The following ZNF704 variants were observed in gnomAD, a reference collection of about 807,000 sequenced individuals.
ZNF704 encodes glucocorticoid induced gene 1.
ZNF704 carries 10 observed loss-of-function variants against 44.7 expected under a neutral mutation model. The observed-to-expected ratio is 0.22, with a 90% CI of 0.14 to 0.38. The LOEUF is 0.38. Ranked by LOEUF, ZNF704 falls within the 10% of genes least tolerant of loss-of-function variation. The probability of loss-of-function intolerance (pLI) is 1.00; values close to 1 mark genes in which losing one functional copy is unlikely to be tolerated. For synonymous variants in ZNF704, 211 were observed against 207.6 expected, an observed-to-expected ratio of 1.02 and a Z score of -0.14; for missense variants, 390 against 545.5, an observed-to-expected ratio of 0.71 and a Z score of 2.84.
intron 2 of ZNF704, among the ~76,000 whole-genome samples, chr8:80,705,884 G>C (rs924327346): frequency 2.0e-5 from 3 of 152,186 alleles, no homozygotes; most frequent in Non-Finnish European, 4.4e-5. Context: ...CTTGATTGTT[G>C]CAGGAAGCTG....
intron 2 of ZNF704, among the ~76,000 whole-genome samples, chr8:80,761,978 T>C (rs1807139456): frequency 6.6e-6 from 1 of 152,252 alleles, no homozygotes; most frequent in African/African-American, 2.4e-5. Context: ...TAAAGAAATT[T>C]TATCTTTAAC....
At chr8:80,652,047 C>A (rs1817929317) in intron 7 of ZNF704, among the ~76,000 whole-genome samples, 1 of 152,186 alleles carries the variant, frequency 6.6e-6, no homozygotes, top group African/African-American at 2.4e-5. Context: ...GGAAACTGAA[C>A]AACCTGCTCC....
At chr8:80,692,963 T>C (rs759662546) in intron 3 of ZNF704, 41 bp downstream of exon 3, 6 of 1,559,448 alleles carry the variant, frequency 3.8e-6, no homozygotes, top group Admixed American at 1.7e-5. Flanking sequence ...CTGCTCTTGG[T>C]GTCAAGGGGC....
chr8:80,664,753 C>T (rs1818162281), intron 6 of ZNF704, 62 bp downstream of exon 6: 4 of 1,598,264 alleles, frequency 2.5e-6, no homozygotes, highest in Non-Finnish European at 3.4e-6. Flanking sequence ...ACTCATAGGC[C>T]AGATGGCCCC....
intron 2 of ZNF704, among the ~76,000 whole-genome samples, chr8:80,712,403 ATAGAC>A (rs1321712174): frequency 6.6e-6 from 1 of 152,230 alleles, no homozygotes; most frequent in Non-Finnish European, 1.5e-5. Flanking sequence ...GCTCAATCTT[ATAGAC>A]TATTTTTTTT....
upstream of ZNF704, among the ~76,000 whole-genome samples, chr8:80,876,494 G>T (rs955274389): frequency 6.6e-6 from 1 of 152,302 alleles, no homozygotes; most frequent in Non-Finnish European, 1.5e-5. Context: ...GGGGCAAGGG[G>T]TGGGCAGACA....
chr8:80,797,433 C>G (rs1214568887), intron 2 of ZNF704, among the ~76,000 whole-genome samples: 2 of 152,178 alleles, frequency 1.3e-5, no homozygotes, highest in Non-Finnish European at 2.9e-5. Context: ...TCTTTGAAAT[C>G]TAGGTGAAAG....
At chr8:80,662,750 C>A (rs952048475) in intron 6 of ZNF704, among the ~76,000 whole-genome samples, 2 of 152,140 alleles carry the variant, frequency 1.3e-5, no homozygotes, top group African/African-American at 4.8e-5. Context: ...CATATTACAT[C>A]CTCGGACTCA....
chr8:80,674,983 C>A (rs557358665), intron 4 of ZNF704, among the ~76,000 whole-genome samples: 2 of 152,292 alleles, frequency 1.3e-5, no homozygotes, highest in African/African-American at 4.8e-5. Context: ...TTGCTGATGG[C>A]ATTCTTTCAT....
chr8:80,693,709 G>T (rs1585958835), intron 2 of ZNF704, among the ~76,000 whole-genome samples: 1 of 152,162 alleles, frequency 6.6e-6, no homozygotes, highest in Non-Finnish European at 1.5e-5. Context: ...GCAGGAATGT[G>T]CGGGAATGTT....
the ZNF704 span, among the ~76,000 whole-genome samples, chr8:80,880,108 G>T: frequency 3.0e-4 from 45 of 152,264 alleles, 1 homozygote; most frequent in African/African-American, 1.0e-3. Context: ...CAGAGTGTGT[G>T]TGAAACTTAT....
chr8:80,807,572 G>GA (rs1050939992), intron 2 of ZNF704, among the ~76,000 whole-genome samples: 1 of 151,838 alleles, frequency 6.6e-6, no homozygotes, highest in Non-Finnish European at 1.5e-5. Flanking sequence ...AATATTTACA[G>GA]AAAAAAAGTG....
At chr8:80,794,485 C>T (rs1215228903) in intron 2 of ZNF704, among the ~76,000 whole-genome samples, 1 of 152,092 alleles carries the variant, frequency 6.6e-6, no homozygotes, top group Non-Finnish European at 1.5e-5. Context: ...AAGACAACGA[C>T]CCAATATAAA....
chr8:80,829,469 T>C (rs1808432878), intron 1 of ZNF704, among the ~76,000 whole-genome samples: 1 of 152,208 alleles, frequency 6.6e-6, no homozygotes, highest in South Asian at 2.1e-4. Context: ...AATATTTAAG[T>C]CTTCACAGTA....
chr8:80,740,556 G>A (rs1273648455), intron 2 of ZNF704, among the ~76,000 whole-genome samples: 1 of 152,134 alleles, frequency 6.6e-6, no homozygotes, highest in Admixed American at 6.5e-5. Flanking sequence ...ACAGACAGTG[G>A]AGGTCAGTGC....
intron 1 of ZNF704, among the ~76,000 whole-genome samples, chr8:80,824,845 A>G (rs1347661411): frequency 2.0e-5 from 3 of 152,234 alleles, no homozygotes; most frequent in Non-Finnish European, 4.4e-5. Flanking sequence ...GTGAAGGGGA[A>G]ATAAAATCCT....
chr8:80,737,637 G>C (rs1372977330), intron 2 of ZNF704, among the ~76,000 whole-genome samples: 1 of 152,084 alleles, frequency 6.6e-6, no homozygotes, highest in African/African-American at 2.4e-5. Context: ...TTGAAGGAAG[G>C]GGTATGAAAG....
chr8:80,630,184 G>C lies in ZNF704; in HGVS notation c.*11182C>G, dbSNP rs1817561230. 1 of 152,194 alleles carries C rather than the reference G, an allele frequency of 6.6e-6. No homozygotes were observed. The highest frequency in any genetic ancestry group is 2.1e-4 in the South Asian group (1 of 4,832). 9.4% of individuals were successfully genotyped at this position (152,194 alleles called of 1,614,324 possible). A position where few individuals can be genotyped will look rare whatever the true frequency, so the allele number is the denominator to read the frequency against. ...ACATGCTACTCTTTGAAAATGCATAGTTTATAATTTTATACATTCATTCAC... is the reference window on the plus strand; with the variant it reads ...ACATGCTACTCTTTGAAAATGCATACTTTATAATTTTATACATTCATTCAC... On this transcript the variant is annotated 3_prime_UTR_variant, in exon 9 of 9. Transcript: ENST00000327835.
At chr8:80,715,110 ATATC>A (rs1819051851) in intron 2 of ZNF704, among the ~76,000 whole-genome samples, 1 of 152,242 alleles carries the variant, frequency 6.6e-6, no homozygotes, top group Admixed American at 6.5e-5. Context: ...TCAGGTACTG[ATATC>A]TATCAGATGG....
Sources: gnomAD v4.1 joint callset for allele counts (sites outside exome capture counted in the v4.1 genomes callset) on GRCh38, gnomAD v4.1.1 for gene constraint, MANE v1.5 for transcripts, NCBI Gene and HGNC (gene_info 2026-07-23, HGNC 2026-07-21) for gene names.